Variants in KCNN2 observed in about 807,000 individuals in gnomAD.
KCNN2 encodes the protein potassium calcium-activated channel subfamily N member 2, also known as small conductance calcium-activated potassium channel protein 2.
Under a neutral mutation model 55.5 loss-of-function variants are expected in KCNN2, and 24 were observed. The ratio of observed to expected loss-of-function variants is 0.43; its 90% CI spans 0.31 to 0.61. The LOEUF is 0.61. Among genes scored for constraint, KCNN2 ranks in the 20% least tolerant of loss-of-function variants. The pLI, the probability that KCNN2 is intolerant of heterozygous loss-of-function variation, is 0.08. For synonymous variants in KCNN2, 431 were observed against 336.1 expected (o/e 1.28, Z -3.09); for missense variants, 754 against 853.6 (o/e 0.88, Z 1.45).
intron 1 of KCNN2, among the ~76,000 whole-genome samples, chr5:114,220,781 G>A (rs189369541): frequency 1.6e-4 from 23 of 148,380 alleles, no homozygotes; most frequent in Middle Eastern, 3.7e-3. Flanking sequence ...AGCTGAGATC[G>A]TGCCACTGCA....
At chr5:114,156,294 A>G (rs1057392277) in intron 1 of KCNN2, among the ~76,000 whole-genome samples, 2 of 152,126 alleles carry the variant, frequency 1.3e-5, no homozygotes, top group Non-Finnish European at 2.9e-5. Context: ...GCCCTGTAGT[A>G]TAGTTTAAAG....
intron 1 of KCNN2, among the ~76,000 whole-genome samples, chr5:114,116,260 A>G (rs1208357574): frequency 1.3e-5 from 2 of 152,168 alleles, no homozygotes; most frequent in Non-Finnish European, 2.9e-5. Context: ...AATGAATGTC[A>G]GGAAAACAAA....
intron 3 of KCNN2, among the ~76,000 whole-genome samples, chr5:114,421,756 C>T (rs868680907): frequency 5.9e-5 from 9 of 151,832 alleles, no homozygotes; most frequent in Middle Eastern, 6.3e-3. Context: ...ATTACAGGCA[C>T]CCGCCACCAT....
chr5:114,495,229 G>A (rs924092969), intron 7 of KCNN2, among the ~76,000 whole-genome samples: 1 of 152,160 alleles, frequency 6.6e-6, no homozygotes, highest in Non-Finnish European at 1.5e-5. Context: ...GGCCAACAAG[G>A]TAGACTGGTA....
chr5:114,392,000 A>C (rs1758463223), intron 2 of KCNN2, among the ~76,000 whole-genome samples: 1 of 152,154 alleles, frequency 6.6e-6, no homozygotes, highest in African/African-American at 2.4e-5. Context: ...TTTAATCTAA[A>C]AAAGCAAAGA....
chr5:114,421,027 G>A (rs1759457058), intron 3 of KCNN2, among the ~76,000 whole-genome samples: 1 of 152,202 alleles, frequency 6.6e-6, no homozygotes, highest in African/African-American at 2.4e-5. Flanking sequence ...GGCAAAACAA[G>A]TTGATTTCTT....
At chr5:114,474,148 T>G (rs1244060943) in intron 5 of KCNN2, among the ~76,000 whole-genome samples, 1 of 152,242 alleles carries the variant, frequency 6.6e-6, no homozygotes, top group East Asian at 1.9e-4. Flanking sequence ...CAGTAGTGTT[T>G]TCACTCACTC....
chr5:114,218,195 C>T (rs1161908337), intron 1 of KCNN2, among the ~76,000 whole-genome samples: 1 of 152,192 alleles, frequency 6.6e-6, no homozygotes. Context: ...CAAAACTAAA[C>T]ATAGTCTTCC....
intron 3 of KCNN2, among the ~76,000 whole-genome samples, chr5:114,437,042 T>C (rs765631510): frequency 2.0e-5 from 3 of 151,840 alleles, no homozygotes; most frequent in Non-Finnish European, 4.4e-5. Flanking sequence ...TGTGTGTGTT[T>C]GTGTGTGTGT....
At position 114,260,351 on chromosome 5, in the gene KCNN2, T is replaced by C. The variant is rs758851259; in HGVS notation, c.-185+38786T>C. On this transcript the variant is annotated intron_variant, in intron 2 of 10. Coordinates refer to the KCNN2 transcript ENST00000512097. ...TTACCTCTGTGACCTCATCTTTAAA[T>C]TGCTCTATACCTCAGCCTCATTGTA... is the stretch of plus-strand genomic sequence containing the variant. 2.0e-4 allele frequency among the ~76,000 whole-genome samples: 30 copies of C among 152,334 alleles called. 1 individual carries two copies. Among genetic ancestry groups the C allele is most frequent in the Admixed American group, 2.6e-4 (4 of 15,294 alleles).
intron 1 of KCNN2, among the ~76,000 whole-genome samples, chr5:114,170,795 A>G (rs1187937301): frequency 2.6e-5 from 4 of 151,978 alleles, no homozygotes; most frequent in Admixed American, 1.3e-4. Context: ...TATATCTTTC[A>G]GTGCCCTAAA....
intron 6 of KCNN2, among the ~76,000 whole-genome samples, chr5:114,491,974 G>C (rs1270444611): frequency 1.3e-5 from 2 of 152,094 alleles, no homozygotes; most frequent in Non-Finnish European, 2.9e-5. Context: ...ATACATGCTT[G>C]TAAATTTTAG....
At chr5:114,240,538 T>G (rs1243316097) in intron 2 of KCNN2, among the ~76,000 whole-genome samples, 3 of 151,940 alleles carry the variant, frequency 2.0e-5, no homozygotes, top group Non-Finnish European at 4.4e-5. Flanking sequence ...TTCAAACAAT[T>G]CTTGTGTCTT....
chr5:114,416,073 C>T (rs1189885978), intron 3 of KCNN2, among the ~76,000 whole-genome samples: 1 of 152,148 alleles, frequency 6.6e-6, no homozygotes, highest in African/African-American at 2.4e-5. Flanking sequence ...TTTCTAGTAA[C>T]AGCAAAGAGA....
intron 1 of KCNN2, among the ~76,000 whole-genome samples, chr5:114,190,631 G>T (rs557709715): frequency 6.6e-6 from 1 of 152,056 alleles, no homozygotes; most frequent in Non-Finnish European, 1.5e-5. Context: ...ACAATATATG[G>T]TATCTATTGT....
chr5:114,328,295 G>A (rs140689462), intron 2 of KCNN2, among the ~76,000 whole-genome samples: 66 of 152,140 alleles, frequency 4.3e-4, no homozygotes, highest in African/African-American at 1.5e-3. Context: ...TTCCTTAATG[G>A]ATCTGAGGCA....
chr5:114,413,829 T>C (rs1759213734), intron 3 of KCNN2, among the ~76,000 whole-genome samples: 1 of 152,190 alleles, frequency 6.6e-6, no homozygotes, highest in African/African-American at 2.4e-5. Flanking sequence ...ACAGATTTCA[T>C]GGAATAGAGG....
chr5:114,197,490 C>T (rs1753581613), intron 1 of KCNN2, among the ~76,000 whole-genome samples: 1 of 152,156 alleles, frequency 6.6e-6, no homozygotes, highest in Admixed American at 6.6e-5. Context: ...TTCTTCTCAC[C>T]TTGCACCTCT....
chr5:114,162,993 C>T (rs554792500), intron 1 of KCNN2, among the ~76,000 whole-genome samples: 1 of 152,276 alleles, frequency 6.6e-6, no homozygotes, highest in African/African-American at 2.4e-5. Flanking sequence ...ATGCACGGTG[C>T]ACTGCACCCA....
Sources: allele counts gnomAD v4.1 joint callset (sites outside exome capture counted in the v4.1 genomes callset), GRCh38; gene constraint gnomAD v4.1.1; transcripts MANE v1.5; gene names NCBI Gene and HGNC (gene_info 2026-07-23, HGNC 2026-07-21).